Variants in EDIL3 observed in about 807,000 individuals in gnomAD.
The protein encoded by EDIL3 is EGF-like repeat and discoidin I-like domain-containing protein 3.
In EDIL3, 37 loss-of-function variants were observed where a neutral mutation model predicts 67.4. The observed-to-expected ratio is 0.55, with a 90% CI of 0.42 to 0.72. EDIL3 has a LOEUF of 0.72. EDIL3 is among the 30% of genes least tolerant of loss of function. The pLI is 0.00. For synonymous variants in EDIL3, 195 were observed against 196.3 expected, an observed-to-expected ratio of 0.99 and a Z score of 0.05; for missense variants, 527 against 586.3, an observed-to-expected ratio of 0.90 and a Z score of 1.04.
intron 1 of EDIL3, among the ~76,000 whole-genome samples, chr5:84,302,669 A>C (rs966414266): frequency 6.6e-6 from 1 of 152,170 alleles, no homozygotes; most frequent in South Asian, 2.1e-4. Context: ...TTCATTTCCC[A>C]AAAATGTCCA....
At chr5:84,234,253 C>T (rs3797655) in intron 2 of EDIL3, among the ~76,000 whole-genome samples, 12,208 of 152,212 alleles carry the variant, frequency 0.08, 609 homozygotes, top group South Asian at 0.2. Context: ...AAACCTATTC[C>T]TTGATTTTTA....
At chr5:84,216,816 G>T (rs1413557370) in intron 3 of EDIL3, among the ~76,000 whole-genome samples, 1 of 152,200 alleles carries the variant, frequency 6.6e-6, no homozygotes, top group Non-Finnish European at 1.5e-5. Context: ...ATTACAGGAT[G>T]AGCAACATTG....
chr5:84,346,182 C>A (rs914422940), intron 1 of EDIL3, among the ~76,000 whole-genome samples: 82 of 136,546 alleles, frequency 6.0e-4, no homozygotes, highest in Non-Finnish European at 1.7e-4. Context: ...GTCTCCCAGG[C>A]TGGAGTGCAG....
At chr5:84,235,010 C>T (rs1161410168) in intron 2 of EDIL3, among the ~76,000 whole-genome samples, 1 of 152,062 alleles carries the variant, frequency 6.6e-6, no homozygotes, top group Non-Finnish European at 1.5e-5. Flanking sequence ...AGAGGCATTA[C>T]TAAAATTAGA....
intron 2 of EDIL3, among the ~76,000 whole-genome samples, chr5:84,230,296 G>C (rs1580388123): frequency 6.6e-6 from 1 of 151,944 alleles, no homozygotes; most frequent in African/African-American, 2.4e-5. Context: ...TTTCTATTTG[G>C]CAAAGAGGAA....
intron 3 of EDIL3, among the ~76,000 whole-genome samples, chr5:84,187,375 C>T (rs1344696428): frequency 6.6e-6 from 1 of 151,844 alleles, no homozygotes; most frequent in Admixed American, 6.6e-5. Flanking sequence ...AGACTGTGCC[C>T]GAAATCATGA....
intron 4 of EDIL3, among the ~76,000 whole-genome samples, chr5:84,176,314 AAT>A (rs1259614138): frequency 7.1e-6 from 1 of 140,304 alleles, no homozygotes; most frequent in Non-Finnish European, 1.5e-5. Flanking sequence ...ATATATATAT[AAT>A]ATATATATAT....
chr5:84,085,654 G>A (rs1747056495), intron 6 of EDIL3, among the ~76,000 whole-genome samples: 2 of 152,312 alleles, frequency 1.3e-5, no homozygotes, highest in Middle Eastern at 6.8e-3. Context: ...AGGCACGGGG[G>A]TCAGGACCCA....
chr5:84,056,122 C>G (rs1712325178), intron 9 of EDIL3, among the ~76,000 whole-genome samples: 1 of 152,166 alleles, frequency 6.6e-6, no homozygotes, highest in East Asian at 1.9e-4. Flanking sequence ...TAGGAATACA[C>G]CATGGAATAC....
chr5:84,267,567 T>C (rs575956675), intron 1 of EDIL3, among the ~76,000 whole-genome samples: 2 of 152,302 alleles, frequency 1.3e-5, no homozygotes, highest in South Asian at 4.1e-4. Context: ...TGGCTTCCAA[T>C]CTTCCTTGGA....
At chr5:84,140,758 A>C (rs1175306162) in intron 4 of EDIL3, among the ~76,000 whole-genome samples, 1 of 152,180 alleles carries the variant, frequency 6.6e-6, no homozygotes, top group Non-Finnish European at 1.5e-5. Flanking sequence ...AAAAATATAC[A>C]TGTTATCTTA....
Position 84,175,518 on chromosome 5 carries a change from A to C in EDIL3, c.355+4875T>G, listed in dbSNP as rs1208208009. ...ATCTTAACACACATCTGTTTAGAGAAGCAGGACAAAGGATTGTTAATCACA... is the reference window on the plus strand; with the variant it reads ...ATCTTAACACACATCTGTTTAGAGACGCAGGACAAAGGATTGTTAATCACA... On this transcript the variant is annotated intron_variant, in intron 4 of 10. Transcript: ENST00000296591. 2.6e-5 allele frequency among the ~76,000 whole-genome samples: 4 copies of C among 152,202 alleles called. No homozygotes were observed. The East Asian group carries it at 7.7e-4, about 29-fold the overall frequency.
intron 9 of EDIL3, among the ~76,000 whole-genome samples, chr5:84,019,143 C>T (rs987340824): frequency 2.6e-5 from 4 of 152,136 alleles, no homozygotes; most frequent in Non-Finnish European, 5.9e-5. Flanking sequence ...TTGGAACCAA[C>T]CCAAATGTCC....
At chr5:84,009,695 A>G (rs1319233719) in intron 9 of EDIL3, among the ~76,000 whole-genome samples, 1 of 152,160 alleles carries the variant, frequency 6.6e-6, no homozygotes, top group Non-Finnish European at 1.5e-5. Context: ...CACAAACATC[A>G]CACTGAGCCT....
rs562082773 is a variant in EDIL3, at chr5:83,986,601, G to T, written c.1138-23241C>A. On this transcript the variant is annotated intron_variant, in intron 9 of 10. Coordinates refer to ENST00000296591, the MANE Select transcript of EDIL3 (RefSeq NM_005711.5). The stretch of plus-strand genomic sequence containing the variant: ...TGTCTACTCTGTGCTAGGCACTCGG[G>T]TTACTAAAATTCCCTTGTGGGGTCT... Among the ~76,000 whole-genome samples the T allele has an allele frequency of 3.3e-5, 5 of 152,206 alleles. No individual in the cohort carries two copies. In the South Asian group the frequency reaches 8.3e-4, roughly 25 times the overall value.
In EDIL3 at chr5:84,339,790, G is replaced by A. The variant is rs184159182; in HGVS notation, c.67+44518C>T. On this transcript the variant is annotated intron_variant, in intron 1 of 10. Coordinates refer to ENST00000296591, the MANE Select transcript of EDIL3 (RefSeq NM_005711.5). ...GGGACTTCTAACTCTAACACTAGAA[G>A]ATAAGTCTAAGAATTCAGAAAAGAA... is the stretch of plus-strand genomic sequence containing the variant. Among the ~76,000 whole-genome samples the A allele has an allele frequency of 4.1e-4, 62 of 152,092 alleles. 1 individual carries two copies. Among genetic ancestry groups the A allele is most frequent in the African/African-American group, 1.3e-3 (52 of 41,516 alleles).
At chr5:84,053,891 T>C (rs898515396) in intron 9 of EDIL3, among the ~76,000 whole-genome samples, 9 of 152,150 alleles carry the variant, frequency 5.9e-5, no homozygotes, top group African/African-American at 1.7e-4. Flanking sequence ...AAGGAGGAGA[T>C]GGTACCATTC....
chr5:84,319,668 A>T (rs1414238395), intron 1 of EDIL3, among the ~76,000 whole-genome samples: 1 of 152,184 alleles, frequency 6.6e-6, no homozygotes, highest in Non-Finnish European at 1.5e-5. Context: ...CCCAAGGATT[A>T]TAAATCATTC....
intron 6 of EDIL3, among the ~76,000 whole-genome samples, chr5:84,093,249 A>G (rs1437477339): frequency 6.6e-6 from 1 of 151,596 alleles, no homozygotes; most frequent in Admixed American, 6.6e-5. Context: ...TCTATTTAAC[A>G]TAGTTTTATT....
Sources: allele counts gnomAD v4.1 joint callset (sites outside exome capture counted in the v4.1 genomes callset), GRCh38; gene constraint gnomAD v4.1.1; transcripts MANE v1.5; gene names NCBI Gene and HGNC (gene_info 2026-07-23, HGNC 2026-07-21).